The following TTC23L variants were observed in gnomAD, a reference collection of about 807,000 sequenced individuals.
TTC23L encodes the protein tetratricopeptide repeat protein 23-like.
Under a neutral mutation model 48.1 loss-of-function variants are expected in TTC23L, and 42 were observed. The observed-to-expected ratio is 0.87, with a 90% CI of 0.68 to 1.13. The LOEUF is 1.13. Among genes scored for constraint, TTC23L ranks in the 50% most tolerant of loss-of-function variants. The pLI, the probability that TTC23L is intolerant of heterozygous loss-of-function variation, is 0.00. For synonymous variants in TTC23L, 159 were observed against 157.2 expected, an observed-to-expected ratio of 1.01 and a Z score of -0.09; for missense variants, 391 against 421.0, an observed-to-expected ratio of 0.93 and a Z score of 0.62.
chr5:34,856,837 A>G (rs1760176216), intron 4 of TTC23L, among the ~76,000 whole-genome samples: 1 of 152,240 alleles, frequency 6.6e-6, no homozygotes, highest in South Asian at 2.1e-4. Flanking sequence ...TTCATTTATT[A>G]GGATGTTTTT....
the TTC23L span, chr5:34,916,029 T>G: frequency 9.3e-7 from 1 of 1,070,892 alleles, no homozygotes. Flanking sequence ...GTTTTAGCAA[T>G]TCTCCCGGCC....
chr5:34,891,690 G>A (rs1762877050), intron 9 of TTC23L, among the ~76,000 whole-genome samples: 1 of 152,148 alleles, frequency 6.6e-6, no homozygotes, highest in East Asian at 1.9e-4. Flanking sequence ...AATGCATGAT[G>A]TTTCCTCAAA....
chr5:34,903,030 T>C (rs1287022555), downstream of TTC23L, among the ~76,000 whole-genome samples: 5 of 151,882 alleles, frequency 3.3e-5, no homozygotes, highest in Non-Finnish European at 7.4e-5. Context: ...CCAAAATTTA[T>C]AAAATGTTAC....
exon 4 of TTC23L, chr5:34,850,215 T>C (rs1224195482): frequency 6.2e-7 from 1 of 1,613,814 alleles, no homozygotes; most frequent in Non-Finnish European, 8.5e-7. Context: ...GCTGATTCGA[T>C]GTGTCATCCT....
At position 34,846,610 on chromosome 5, in the gene TTC23L, T is replaced by C. The variant is rs909649452; in HGVS notation, c.255+937T>C. 4.4e-3 allele frequency among the ~76,000 whole-genome samples: 501 copies of C among 112,974 alleles called. 38 individuals are homozygous for C. The highest frequency in any genetic ancestry group is 0.016 in the African/African-American group (457 of 29,010). The allele number at this position is 112,974 out of a possible 152,430, so 74.1% of individuals were successfully genotyped here. A position where few individuals can be genotyped will look rare whatever the true frequency, so the allele number is the denominator to read the frequency against. On this transcript the variant is annotated intron_variant, in intron 3 of 10. Coordinates refer to ENST00000505624, the Ensembl canonical transcript of TTC23L. ...ATATATATATATATATACACACACA[T>C]ATATATACACACACATATACATATA...
chr5:34,899,868 G>A (rs1004860306), downstream of TTC23L, among the ~76,000 whole-genome samples: 2 of 151,592 alleles, frequency 1.3e-5, no homozygotes, highest in African/African-American at 4.9e-5. Context: ...CCAGCCTGGC[G>A]ACAGATAGAG....
intron 9 of TTC23L, chr5:34,880,784 A>T (rs180950755): frequency 5.4e-5 from 15 of 276,172 alleles, no homozygotes; most frequent in African/African-American, 3.5e-4. Flanking sequence ...GATTACAGGC[A>T]TGCGCCACCA....
At position 34,840,663 on chromosome 5, in the gene TTC23L, A is replaced by G; in HGVS notation, c.-7-2A>G. 1 of 1,613,770 alleles carries G rather than the reference A, an allele frequency of 6.2e-7. No individual in the cohort carries two copies. The highest frequency in any genetic ancestry group is 8.5e-7 in the Non-Finnish European group (1 of 1,179,688). ...AAGCTGACCTTACCTGATTCTTGGT[A>G]GGAAGAAGATGCAAGCCAGCCCCAT... On this transcript the variant is annotated splice_acceptor_variant, in intron 1 of 10. Transcript: ENST00000505624. LOFTEE classifies it low-confidence loss of function (5UTR_SPLICE).
At chr5:34,918,160 A>AAAAAG in the TTC23L span, 1 of 351,492 alleles carries the variant, frequency 2.8e-6, no homozygotes, top group Non-Finnish European at 5.1e-6. Flanking sequence ...AAAAAAAAAA[A>AAAAAG]CTAGCTGGAC....
the TTC23L span, chr5:34,918,386 G>A: frequency 4.5e-6 from 7 of 1,565,354 alleles, no homozygotes; most frequent in South Asian, 6.8e-5. Flanking sequence ...AATAAGGAAC[G>A]GATTCTCATC....
At chr5:34,917,623 G>T in the TTC23L span, among the ~76,000 whole-genome samples, 1 of 152,118 alleles carries the variant, frequency 6.6e-6, no homozygotes, top group Admixed American at 6.6e-5. Context: ...CTGGGTGACA[G>T]AGTGAGACTC....
intron 4 of TTC23L, among the ~76,000 whole-genome samples, chr5:34,854,020 T>C (rs1326303671): frequency 6.6e-6 from 1 of 152,234 alleles, no homozygotes; most frequent in African/African-American, 2.4e-5. Flanking sequence ...CTAGATCTTC[T>C]GAAATCAATC....
the TTC23L span, chr5:34,906,157 T>C: frequency 6.6e-6 from 1 of 151,998 alleles, no homozygotes; most frequent in Admixed American, 6.6e-5. Flanking sequence ...GGTTTCACCA[T>C]GTTGGCCAGG....
At chr5:34,911,631 G>C in the TTC23L span, 1 of 1,614,106 alleles carries the variant, frequency 6.2e-7, no homozygotes, top group African/African-American at 1.3e-5. Flanking sequence ...ATGCTTCACG[G>C]AGCCCCTCTG....
chr5:34,873,251 CTT>C, intron 8 of TTC23L, among the ~76,000 whole-genome samples: 1 of 152,248 alleles, frequency 6.6e-6, no homozygotes, highest in African/African-American at 2.4e-5. Flanking sequence ...CAGAATATGA[CTT>C]TGTGAAGAGA....
chr5:34,919,213 C>T, the TTC23L span, among the ~76,000 whole-genome samples: 1 of 142,246 alleles, frequency 7.0e-6, no homozygotes, highest in South Asian at 2.2e-4. Context: ...GAGTTCAAGG[C>T]TGTCATGAGC....
intron 9 of TTC23L, among the ~76,000 whole-genome samples, chr5:34,892,849 T>G (rs919410824): frequency 2.0e-5 from 3 of 152,206 alleles, no homozygotes; most frequent in Admixed American, 2.0e-4. Context: ...GACATGAGTT[T>G]GGAAAGACAG....
chr5:34,896,574 GGT>G (rs1763240980), intron 9 of TTC23L, among the ~76,000 whole-genome samples, 194 bp from the exon 10 acceptor site: 4 of 152,302 alleles, frequency 2.6e-5, no homozygotes, highest in South Asian at 4.1e-4. Context: ...TAGAGCTGCA[GGT>G]GGTAATAAAG....
chr5:34,888,385 T>C (rs763811406), intron 9 of TTC23L: 218 of 615,842 alleles, frequency 3.5e-4, no homozygotes, highest in Non-Finnish European at 4.3e-4. Flanking sequence ...GGTCCTTTCC[T>C]GAGTTTGGTT....
Sources: allele counts gnomAD v4.1 joint callset (sites outside exome capture counted in the v4.1 genomes callset), GRCh38; gene constraint gnomAD v4.1.1; transcripts MANE v1.5; gene names NCBI Gene and HGNC (gene_info 2026-07-23, HGNC 2026-07-21).